Variants in PAK5 observed in about 807,000 individuals in gnomAD.
PAK5 encodes the protein p21 (RAC1) activated kinase 5.
A neutral mutation model predicts 65.9 loss-of-function variants in PAK5; 16 were observed. The ratio of observed to expected loss-of-function variants is 0.24; its 90% CI spans 0.16 to 0.37. The LOEUF (loss-of-function observed/expected upper bound fraction) is 0.37. PAK5 is among the 10% of genes least tolerant of loss of function. The pLI is 1.00. For missense variants in PAK5, 785 were observed against 903.9 expected, an observed-to-expected ratio of 0.87 and a Z score of 1.69; for synonymous variants, 371 against 354.9, an observed-to-expected ratio of 1.05 and a Z score of -0.51.
intron 1 of PAK5, among the ~76,000 whole-genome samples, chr20:9,823,237 C>T (rs977635252): frequency 2.0e-5 from 3 of 152,190 alleles, no homozygotes; most frequent in Non-Finnish European, 4.4e-5. Context: ...TTTCCAGACA[C>T]TGAATCTGCT....
rs1213248742 is a variant in PAK5, at chr20:9,582,340, C to CAGTTTTGAGG, written c.205-1420_205-1411dup. Among the ~76,000 whole-genome samples the CAGTTTTGAGG allele has an allele frequency of 3.3e-5, 5 of 152,104 alleles. No homozygotes were observed. In the East Asian group the frequency reaches 9.6e-4, roughly 29 times the overall value. On this transcript the variant is annotated intron_variant, in intron 3 of 9. Transcript: ENST00000353224. Reference sequence around the variant, plus strand: ...TTTCCTTATTTTTTGATGACCTTGACAGTTTTGAGGAGTACTGGTGAGGTA... The same window carrying CAGTTTTGAGG: ...TTTCCTTATTTTTTGATGACCTTGACAGTTTTGAGGAGTTTTGAGGAGTACTGGTGAGGTA...
At chr20:9,714,984 G>A (rs1269663517) in intron 1 of PAK5, among the ~76,000 whole-genome samples, 11 of 152,078 alleles carry the variant, frequency 7.2e-5, no homozygotes, top group South Asian at 2.1e-4. Flanking sequence ...CATAGGCATG[G>A]GCAAGGACTT....
intron 1 of PAK5, among the ~76,000 whole-genome samples, chr20:9,812,589 C>T (rs534064781): frequency 1.3e-5 from 2 of 152,070 alleles, no homozygotes; most frequent in Non-Finnish European, 2.9e-5. Flanking sequence ...TAGATGTACA[C>T]CCAAGGGAAG....
intron 3 of PAK5, among the ~76,000 whole-genome samples, chr20:9,611,872 A>G (rs2046567391): frequency 6.6e-6 from 1 of 152,190 alleles, no homozygotes; most frequent in African/African-American, 2.4e-5. Context: ...GAGACTGTCC[A>G]TTACTCACTT....
In PAK5 at chr20:9,650,679, T is replaced by C. The variant is rs186992292; in HGVS notation, c.-11-6340A>G. On this transcript the variant is annotated intron_variant, in intron 2 of 9. Coordinates refer to ENST00000353224, the MANE Select transcript of PAK5 (RefSeq NM_177990.4). ...ATTGGTTCTCAGAACCTTGCTTATA[T>C]GTGCTAGGTAAACCCTTCTGGAGTG... Among the ~76,000 whole-genome samples the C allele has an allele frequency of 5.1e-4, 77 of 152,278 alleles. 1 individual carries two copies. The highest frequency in any genetic ancestry group is 1.5e-3 in the African/African-American group (64 of 41,552).
intron 2 of PAK5, among the ~76,000 whole-genome samples, chr20:9,670,771 A>G (rs2047485959): frequency 6.6e-6 from 1 of 152,106 alleles, no homozygotes; most frequent in African/African-American, 2.4e-5. Context: ...GAAGCTCTTT[A>G]GTTTAATTAG....
intron 2 of PAK5, among the ~76,000 whole-genome samples, chr20:9,660,475 G>A (rs1250090750): frequency 1.3e-5 from 2 of 151,678 alleles, no homozygotes; most frequent in African/African-American, 4.8e-5. Context: ...CCACCCTTAT[G>A]GGGCTCTCAT....
chr20:9,772,531 G>T (rs2048845585), intron 1 of PAK5, among the ~76,000 whole-genome samples: 1 of 152,190 alleles, frequency 6.6e-6, no homozygotes, highest in Admixed American at 6.5e-5. Flanking sequence ...CAGTCTCCTT[G>T]TGAAGATAAT....
chr20:9,660,724 A>G (rs1347861738), intron 2 of PAK5, among the ~76,000 whole-genome samples: 3 of 152,104 alleles, frequency 2.0e-5, no homozygotes, highest in Non-Finnish European at 4.4e-5. Flanking sequence ...CTGGCCAAAG[A>G]GTTCTAGTAA....
intron 2 of PAK5, among the ~76,000 whole-genome samples, chr20:9,681,948 TC>T: frequency 6.6e-6 from 1 of 152,206 alleles, no homozygotes; most frequent in Non-Finnish European, 1.5e-5. Context: ...TAGGTTTCCT[TC>T]CAGAACCTAA....
intron 1 of PAK5, among the ~76,000 whole-genome samples, chr20:9,796,535 A>G (rs993682400): frequency 1.3e-5 from 2 of 152,122 alleles, no homozygotes; most frequent in African/African-American, 4.8e-5. Context: ...TGCTAAATGA[A>G]AAGTTTAAAT....
At chr20:9,818,490 C>T (rs375169822) in intron 1 of PAK5, among the ~76,000 whole-genome samples, 23 of 152,264 alleles carry the variant, frequency 1.5e-4, no homozygotes, top group African/African-American at 5.5e-4. Context: ...CTGAAACACC[C>T]TCCATTAACA....
At chr20:9,699,289 C>A (rs1244133199) in intron 2 of PAK5, among the ~76,000 whole-genome samples, 1 of 152,096 alleles carries the variant, frequency 6.6e-6, no homozygotes, top group Non-Finnish European at 1.5e-5. Flanking sequence ...TGCAGATTCT[C>A]CTTGTCTCAC....
intron 6 of PAK5, among the ~76,000 whole-genome samples, chr20:9,561,375 T>G (rs1012353829): frequency 6.6e-6 from 1 of 152,232 alleles, no homozygotes; most frequent in South Asian, 2.1e-4. Flanking sequence ...TTTTTTGCTT[T>G]ATATGTGAAA....
chr20:9,611,482 A>C (rs1386262879), intron 3 of PAK5, among the ~76,000 whole-genome samples: 2 of 152,114 alleles, frequency 1.3e-5, no homozygotes, highest in Non-Finnish European at 2.9e-5. Flanking sequence ...ACCTTCCCAC[A>C]ATTTGCCACC....
At chr20:9,713,961 A>T (rs985192531) in intron 1 of PAK5, among the ~76,000 whole-genome samples, 1 of 152,124 alleles carries the variant, frequency 6.6e-6, no homozygotes, top group African/African-American at 2.4e-5. Flanking sequence ...GGAAAATTAC[A>T]CTTAACCGTA....
chr20:9,756,294 A>G (rs896169633), intron 1 of PAK5, among the ~76,000 whole-genome samples: 4 of 152,118 alleles, frequency 2.6e-5, no homozygotes, highest in Non-Finnish European at 5.9e-5. Flanking sequence ...GAGAAAGTAA[A>G]GCATTAGTTG....
intron 6 of PAK5, among the ~76,000 whole-genome samples, chr20:9,559,808 A>T (rs188942846): frequency 6.6e-6 from 1 of 152,094 alleles, no homozygotes; most frequent in Non-Finnish European, 1.5e-5. Flanking sequence ...CCAGTCTCAT[A>T]CAAAGGCAGG....
chr20:9,596,184 CAA>C (rs771404691), intron 3 of PAK5, among the ~76,000 whole-genome samples: 57 of 152,292 alleles, frequency 3.7e-4, no homozygotes, highest in Admixed American at 9.2e-4. Flanking sequence ...TAGTCCTCAG[CAA>C]TTTTAAAATC....
Sources: gnomAD v4.1 joint callset for allele counts (sites outside exome capture counted in the v4.1 genomes callset) on GRCh38, gnomAD v4.1.1 for gene constraint, MANE v1.5 for transcripts, NCBI Gene and HGNC (gene_info 2026-07-23, HGNC 2026-07-21) for gene names.